SCNN1B: variants seen among roughly 807,000 people sequenced by gnomAD.
SCNN1B encodes the protein sodium channel epithelial 1 subunit beta.
SCNN1B carries 46 observed loss-of-function variants against 65.3 expected under a neutral mutation model. The observed-to-expected ratio is 0.70, with a 90% CI of 0.56 to 0.90. The LOEUF (loss-of-function observed/expected upper bound fraction) is 0.90, where lower values mean the gene tolerates loss of function less well. Ranked by LOEUF, SCNN1B falls within the 40% of genes least tolerant of loss-of-function variation. The pLI is 0.00. For missense variants in SCNN1B, 751 were observed against 830.5 expected, an observed-to-expected ratio of 0.90 and a Z score of 1.18; for synonymous variants, 349 against 330.6, an observed-to-expected ratio of 1.06 and a Z score of -0.60.
chr16:23,339,830 G>A (rs1271835846), intron 1 of SCNN1B, among the ~76,000 whole-genome samples: 2 of 152,082 alleles, frequency 1.3e-5, no homozygotes, highest in Non-Finnish European at 2.9e-5. Context: ...ACCTCCCAAA[G>A]TATTGGGATT....
rs774397853 is a variant in SCNN1B, at chr16:23,375,724, C to A, written c.1153-14C>A. On this transcript the variant is annotated splice_polypyrimidine_tract_variant and intron_variant, in intron 7 of 12. Transcript: ENST00000343070. ...GCCTGTGTTCTCTCCTTATGAACCCCCTACCCTCCCCAGGCCTGTCTTCGC... is the reference window on the plus strand; with the variant it reads ...GCCTGTGTTCTCTCCTTATGAACCCACTACCCTCCCCAGGCCTGTCTTCGC... The A allele has an allele frequency of 1.2e-5, 19 of 1,586,902 alleles. No homozygotes were observed. In the South Asian group the frequency reaches 1.3e-4, roughly 11 times the overall value.
rs146124719 is a variant in SCNN1B at position 23,322,456 on chromosome 16, T to G, written c.-9+20019T>G. On this transcript the variant is annotated intron_variant, in intron 1 of 12. Coordinates refer to ENST00000343070, the MANE Select transcript of SCNN1B (RefSeq NM_000336.3). ...CTGGGACTATAGGTGCACACCACCATGCTTGGCTAATTTTTTTTTTTAATT... is the reference window on the plus strand; with the variant it reads ...CTGGGACTATAGGTGCACACCACCAGGCTTGGCTAATTTTTTTTTTTAATT... Among the ~76,000 whole-genome samples, 221 of 150,262 alleles carry G rather than the reference T, an allele frequency of 1.5e-3. 2 individuals carry two copies. The highest frequency in any genetic ancestry group is 5.3e-3 in the African/African-American group (212 of 39,724).
chr16:23,323,819 G>A (rs1026416407), intron 1 of SCNN1B, among the ~76,000 whole-genome samples: 27 of 152,154 alleles, frequency 1.8e-4, no homozygotes, highest in African/African-American at 6.3e-4. Flanking sequence ...TAAGCCTCAG[G>A]GAAGTGCAGG....
rs200166680 is a variant in SCNN1B at position 23,380,788 on chromosome 16, G to T, written c.1910G>T (p.Gly637Val). The change falls in exon 13 of 13, where the codon GGT becomes GTT. Residue 637 changes from glycine to valine, a missense_variant. Gly to Val is a moderately radical substitution (Grantham distance 109, BLOSUM62 -3). Coordinates refer to ENST00000343070, the MANE Select transcript of SCNN1B (RefSeq NM_000336.3). The surrounding 1 kb of genome is among the most constrained non-coding windows in gnomAD (Gnocchi z 5.4). ...GACGTCATCGAGTCTGACAGTGAGG[G>T]TGATGCCATCTAACCCTGCCCCTGC... ...PLDVIESDSE[G>V]DAI 47 of 1,612,178 alleles carry T rather than the reference G, an allele frequency of 2.9e-5. No individual in the cohort carries two copies. The highest frequency in any genetic ancestry group is 3.9e-5 in the Non-Finnish European group (46 of 1,180,004).
intron 1 of SCNN1B, among the ~76,000 whole-genome samples, chr16:23,338,398 C>T (rs1289759871): frequency 2.0e-5 from 3 of 152,208 alleles, no homozygotes; most frequent in Non-Finnish European, 1.5e-5. Context: ...TCTGGTTGCC[C>T]TTGCAGAGGC....
chr16:23,349,520 A>G (rs1567306560), intron 2 of SCNN1B, among the ~76,000 whole-genome samples: 1 of 152,212 alleles, frequency 6.6e-6, no homozygotes, highest in Non-Finnish European at 1.5e-5. Flanking sequence ...ACTGCATTCC[A>G]GCCTGGGTAA....
chr16:23,352,698 T>C (rs552165149), intron 2 of SCNN1B, 103 bp from the exon 3 acceptor site: 26 of 1,227,400 alleles, frequency 2.1e-5, no homozygotes, highest in Non-Finnish European at 2.8e-5. Flanking sequence ...AGTATCTTTA[T>C]AGCAGTGTGA....
intron 2 of SCNN1B, among the ~76,000 whole-genome samples, chr16:23,287,719 G>A (rs966914760): frequency 1.3e-5 from 2 of 152,040 alleles, no homozygotes; most frequent in Non-Finnish European, 2.9e-5. Flanking sequence ...AATCCAGCCT[G>A]AATGACAGAG....
chr16:23,305,417 C>A (rs766792789), intron 1 of SCNN1B, among the ~76,000 whole-genome samples: 7 of 149,366 alleles, frequency 4.7e-5, no homozygotes, highest in Non-Finnish European at 8.9e-5. Flanking sequence ...CTTTGGGAGA[C>A]CAAGGAGGGT....
intron 4 of SCNN1B, among the ~76,000 whole-genome samples, chr16:23,356,682 T>C (rs1022862162): frequency 1.3e-5 from 2 of 151,254 alleles, no homozygotes; most frequent in Non-Finnish European, 3.0e-5. Flanking sequence ...TTCCTGTAAA[T>C]ATTCTTTTTC....
rs1220520184 is a variant in SCNN1B, at chr16:23,378,767, G to A, written c.1466G>A (p.Arg489Lys). Residue 489 changes from arginine to lysine, a missense_variant and splice_region_variant, in exon 11 of 13, where the codon AGG (arginine) becomes AAG (lysine). Physicochemically the swap from Arg to Lys is conservative, Grantham distance 26. Transcript: ENST00000343070. ...RDQSTNITLS[R>K]KGIVKLNIYF... ...CAAAGCACCAATATCACCCTGAGCAGGTGAGCCTGAGCCTGGGCGGGGCTG... is the reference window on the plus strand; with the variant it reads ...CAAAGCACCAATATCACCCTGAGCAAGTGAGCCTGAGCCTGGGCGGGGCTG... 1.5e-5 allele frequency: 25 copies of A among 1,613,948 alleles called. No homozygotes were observed. Among genetic ancestry groups the A allele is most frequent in the Non-Finnish European group, 1.7e-5 (20 of 1,179,966 alleles).
chr16:23,372,009 G>A (rs771403738), intron 7 of SCNN1B, 126 bp downstream of exon 7: 12 of 745,956 alleles, frequency 1.6e-5, no homozygotes, highest in East Asian at 8.0e-5. Context: ...AGGTTGCCAC[G>A]GGGCACCCCG....
chr16:23,301,170 C>T (rs1183906976), upstream of SCNN1B, among the ~76,000 whole-genome samples: 1 of 151,834 alleles, frequency 6.6e-6, no homozygotes, highest in Admixed American at 6.6e-5. Flanking sequence ...TCCAGACCAG[C>T]CTGGCCAATA....
chr16:23,331,367 C>G (rs1961809152), intron 1 of SCNN1B, among the ~76,000 whole-genome samples: 1 of 150,380 alleles, frequency 6.6e-6, no homozygotes, highest in Non-Finnish European at 1.5e-5. Context: ...CTTTGTCATC[C>G]AGGCTGGAGT....
At chr16:23,295,897 AGGAGCTG>A in intron 2 of SCNN1B, among the ~76,000 whole-genome samples, 1 of 152,282 alleles carries the variant, frequency 6.6e-6, no homozygotes, top group East Asian at 1.9e-4. Flanking sequence ...TCAAGGCCCT[AGGAGCTG>A]ATTAAATTTT....
intron 4 of SCNN1B, among the ~76,000 whole-genome samples, chr16:23,356,227 T>C (rs1962418506): frequency 6.6e-6 from 1 of 152,208 alleles, no homozygotes; most frequent in Non-Finnish European, 1.5e-5. Flanking sequence ...CACCCAGGCA[T>C]CTGTTGCCTC....
intron 1 of SCNN1B, among the ~76,000 whole-genome samples, chr16:23,330,032 A>G (rs1961778683): frequency 6.6e-6 from 1 of 152,084 alleles, no homozygotes; most frequent in Non-Finnish European, 1.5e-5. Flanking sequence ...GTCTCAAAAA[A>G]AAAAAAAGAA....
At chr16:23,375,669 T>C (rs1962877536) in intron 7 of SCNN1B, 69 bp from the exon 8 acceptor site, 2 of 1,109,612 alleles carry the variant, frequency 1.8e-6, no homozygotes, top group Non-Finnish European at 2.8e-6. Context: ...TGGACACCCC[T>C]GGTGCTGGAA....
chr16:23,336,785 GTGT>G (rs1263832499), intron 1 of SCNN1B, among the ~76,000 whole-genome samples: 1 of 152,072 alleles, frequency 6.6e-6, no homozygotes, highest in African/African-American at 2.4e-5. Context: ...TATTTCACAG[GTGT>G]AATATTGCTT....
Sources: gnomAD v4.1 joint callset for allele counts (sites outside exome capture counted in the v4.1 genomes callset) on GRCh38, gnomAD v4.1.1 for gene constraint, Gnocchi (gnomAD v3.1) non-coding constraint, MANE v1.5 for transcripts, NCBI Gene and HGNC (gene_info 2026-07-23, HGNC 2026-07-21) for gene names.